LIMS1: variants seen among roughly 807,000 people sequenced by gnomAD.
LIMS1 encodes LIM zinc finger domain containing 1, also known as LIM and senescent cell antigen-like-containing domain protein 1.
A neutral mutation model predicts 44.1 loss-of-function variants in LIMS1; 18 were observed. The ratio of observed to expected loss-of-function variants is 0.41; its 90% CI spans 0.28 to 0.61. The LOEUF is 0.61. LIMS1 is among the 20% of genes least tolerant of loss of function. The pLI is 0.32. For synonymous variants in LIMS1, 93 were observed against 149.1 expected, an observed-to-expected ratio of 0.62 and a Z score of 2.74; for missense variants, 201 against 422.0, an observed-to-expected ratio of 0.48 and a Z score of 4.59.
intron 1 of LIMS1, among the ~76,000 whole-genome samples, chr2:108,535,671 C>T (rs1404782509): frequency 7.2e-5 from 11 of 152,244 alleles, no homozygotes; most frequent in South Asian, 2.1e-4. Flanking sequence ...TGTTAAAAGC[C>T]GTCAGATACA....
intron 1 of LIMS1, among the ~76,000 whole-genome samples, chr2:108,589,946 T>C (rs1686296992): frequency 6.6e-6 from 1 of 152,204 alleles, no homozygotes; most frequent in Non-Finnish European, 1.5e-5. Flanking sequence ...GAATGTTCCA[T>C]GTGCACTTGA....
chr2:108,681,976 G>A (rs763350172), intron 9 of LIMS1, among the ~76,000 whole-genome samples: 1 of 151,966 alleles, frequency 6.6e-6, no homozygotes, highest in African/African-American at 2.4e-5. Flanking sequence ...TGTGATGTTC[G>A]AATGTGCATT....
intron 1 of LIMS1, among the ~76,000 whole-genome samples, chr2:108,618,222 C>T (rs1471040860): frequency 6.6e-6 from 1 of 152,128 alleles, no homozygotes; most frequent in Non-Finnish European, 1.5e-5. Context: ...TGGAAACCCG[C>T]AGAAAATGCA....
At chr2:108,568,818 T>C (rs1685383760) in intron 1 of LIMS1, among the ~76,000 whole-genome samples, 1 of 152,236 alleles carries the variant, frequency 6.6e-6, no homozygotes, top group Non-Finnish European at 1.5e-5. Context: ...TGTTAGCTAT[T>C]TGTATGTCAT....
In LIMS1 at chr2:108,576,142, T is replaced by C. The variant is rs114755253; in HGVS notation, c.32+41548T>C. ...GTATTTATGTATGTGAAAATAACTT[T>C]TGAAGTCTTTAAGATCATCACCTTG... On this transcript the variant is annotated intron_variant, in intron 1 of 9. Transcript: ENST00000544547. Among the ~76,000 whole-genome samples the C allele has an allele frequency of 3.4e-3, 511 of 152,330 alleles. 2 individuals carry two copies. The highest frequency in any genetic ancestry group is 0.011 in the African/African-American group (467 of 41,568).
intron 1 of LIMS1, among the ~76,000 whole-genome samples, chr2:108,560,604 T>C (rs1336929637): frequency 6.6e-6 from 1 of 151,950 alleles, no homozygotes; most frequent in African/African-American, 2.4e-5. Context: ...ACACTCCTGA[T>C]TGCCCCCTCC....
At chr2:108,558,899 G>C (rs555624415) in intron 1 of LIMS1, among the ~76,000 whole-genome samples, 62 of 151,858 alleles carry the variant, frequency 4.1e-4, no homozygotes, top group African/African-American at 1.4e-3. Context: ...CCAAACTCCT[G>C]ACCTCAGGTG....
At chr2:108,631,273 G>A (rs1688906018) in intron 1 of LIMS1, among the ~76,000 whole-genome samples, 1 of 152,194 alleles carries the variant, frequency 6.6e-6, no homozygotes, top group Admixed American at 6.6e-5. Flanking sequence ...AAGTTGCTGA[G>A]TGAGAGTGGG....
At chr2:108,549,534 A>T (rs1197590872) in intron 1 of LIMS1, among the ~76,000 whole-genome samples, 1 of 151,964 alleles carries the variant, frequency 6.6e-6, no homozygotes, top group Non-Finnish European at 1.5e-5. Context: ...TGCTTTCTCC[A>T]TTAGGAGGCA....
intron 9 of LIMS1, 40 bp from the exon 10 acceptor site, chr2:108,683,845 T>G: frequency 9.0e-7 from 1 of 1,115,512 alleles, no homozygotes. Context: ...TTGAATATGT[T>G]TCCACTAACT....
At chr2:108,682,227 A>G (rs554251375) in intron 9 of LIMS1, among the ~76,000 whole-genome samples, 1 of 151,946 alleles carries the variant, frequency 6.6e-6, no homozygotes, top group East Asian at 1.9e-4. Context: ...GATTAAAACA[A>G]TGAGGCCGGG....
intron 3 of LIMS1, 108 bp from the exon 4 acceptor site, chr2:108,672,216 GT>G (rs899339419): frequency 6.1e-6 from 6 of 986,724 alleles, no homozygotes; most frequent in African/African-American, 4.8e-5. Flanking sequence ...GGCTTCAACG[GT>G]TTTTTTCCTC....
At chr2:108,656,585 G>C (rs1165935947) in intron 1 of LIMS1, among the ~76,000 whole-genome samples, 1 of 151,208 alleles carries the variant, frequency 6.6e-6, no homozygotes, top group Non-Finnish European at 1.5e-5. Context: ...AAGCCTGACT[G>C]GTTCAGGGGG....
At chr2:108,552,341 G>GTA (rs1252932939) in intron 1 of LIMS1, among the ~76,000 whole-genome samples, 3 of 138,160 alleles carry the variant, frequency 2.2e-5, no homozygotes, top group Admixed American at 7.5e-5. Flanking sequence ...TATACGTGTA[G>GTA]TATATATATG....
At chr2:108,620,956 C>G (rs778000781) in intron 1 of LIMS1, among the ~76,000 whole-genome samples, 2 of 152,162 alleles carry the variant, frequency 1.3e-5, no homozygotes, top group Non-Finnish European at 2.9e-5. Flanking sequence ...GCAAATAAAA[C>G]AGCAGGACCC....
intron 1 of LIMS1, among the ~76,000 whole-genome samples, chr2:108,574,297 C>T (rs1558793031): frequency 1.3e-5 from 2 of 152,158 alleles, no homozygotes; most frequent in Admixed American, 6.5e-5. Flanking sequence ...GGGAAAAAGG[C>T]ATTGCTTTTG....
intron 1 of LIMS1, among the ~76,000 whole-genome samples, chr2:108,565,190 G>A (rs918659849): frequency 2.0e-5 from 3 of 152,060 alleles, no homozygotes; most frequent in Admixed American, 6.6e-5. Flanking sequence ...TACCGTCTTC[G>A]TTCCACAGAG....
chr2:108,570,018 G>A (rs925668557), intron 1 of LIMS1, among the ~76,000 whole-genome samples: 1 of 152,060 alleles, frequency 6.6e-6, no homozygotes, highest in Non-Finnish European at 1.5e-5. Flanking sequence ...ATGGAGAAAA[G>A]TATACAAAAA....
chr2:108,583,688 TTGTTGCTGTTTC>T (rs1226144200), intron 1 of LIMS1, among the ~76,000 whole-genome samples: 2 of 135,418 alleles, frequency 1.5e-5, no homozygotes, highest in African/African-American at 5.3e-5. Context: ...TGTTATTTTG[TTGTTGCTGTTTC>T]TTTTTTTTTT....
Sources: gnomAD v4.1 joint callset for allele counts (sites outside exome capture counted in the v4.1 genomes callset) on GRCh38, gnomAD v4.1.1 for gene constraint, MANE v1.5 for transcripts, NCBI Gene and HGNC (gene_info 2026-07-23, HGNC 2026-07-21) for gene names.